Variants in TNK2 observed in about 807,000 individuals in gnomAD.
TNK2 encodes the protein tyrosine kinase non receptor 2, also known as activated CDC42 kinase 1.
Under a neutral mutation model 101.8 loss-of-function variants are expected in TNK2, and 83 were observed. The observed-to-expected ratio is 0.82, with a 90% confidence interval of 0.68 to 0.98. The LOEUF (loss-of-function observed/expected upper bound fraction) is 0.98. Ranked by LOEUF, TNK2 falls within the 50% of genes least tolerant of loss-of-function variation. The pLI is 0.00. For synonymous variants in TNK2, 804 were observed against 633.0 expected (o/e 1.27, Z -4.06); for missense variants, 1,665 against 1,483.2 (o/e 1.12, Z -2.01).
intron 2 of TNK2, among the ~76,000 whole-genome samples, chr3:195,887,869 C>T (rs1392027254): frequency 6.9e-6 from 1 of 144,202 alleles, no homozygotes; most frequent in Non-Finnish European, 1.5e-5. Flanking sequence ...TGTGCGCAGG[C>T]GTGTGAGCGC....
intron 9 of TNK2, chr3:195,876,677 G>T (rs1456409998): frequency 1.1e-5 from 5 of 454,582 alleles, no homozygotes; most frequent in South Asian, 7.8e-5. Context: ...TGGCCCAGGG[G>T]GAAGGAGCCC....
intron 14 of TNK2, 62 bp downstream of exon 14, chr3:195,867,107 G>A: frequency 6.2e-7 from 1 of 1,607,264 alleles, no homozygotes; most frequent in Non-Finnish European, 8.5e-7. Flanking sequence ...GCGTGGGGCT[G>A]GGGGCAGCAG....
At chr3:195,868,786 G>C (rs34049168) in intron 12 of TNK2, 77 bp from the exon 13 acceptor site, 3 of 1,446,416 alleles carry the variant, frequency 2.1e-6, no homozygotes, top group Non-Finnish European at 2.7e-6. Flanking sequence ...GCACGTGGGA[G>C]AGAAAGCCAA....
In TNK2 at chr3:195,884,845, G is replaced by T. The variant is rs1241840224; in HGVS notation, c.423C>A (p.Arg141=). The T allele has an allele frequency of 1.9e-6, 3 of 1,612,828 alleles. No homozygotes were observed. The Admixed American group carries it at 5.0e-5, about 27-fold the overall frequency. Residue 141 remains arginine (R), a synonymous_variant, in exon 4 of 16, where the codon CGC becomes CGA. Transcript: ENST00000672887. The stretch of plus-strand genomic sequence containing the variant: ...CTGAGGGCGCGTCCCACTCGCCCCT[G>T]CGCACCACGCCAAAGGAACCATCAC... ...KLGDGSFGVV[R]RGEWDAPSGK...
At position 195,867,708 on chromosome 3, in the gene TNK2, G is replaced by C. The variant is rs550521078; in HGVS notation, c.2590C>G (p.Arg864Gly). The C allele has an allele frequency of 3.7e-6, 6 of 1,607,946 alleles. No homozygotes were observed. The highest frequency in any genetic ancestry group is 2.7e-5 in the African/African-American group (2 of 74,788). Residue 864 changes from arginine (R) to glycine (G), a missense_variant, in exon 13 of 16, where the codon CGG becomes GGG. Around this residue, in one of 3 missense-constraint regions of TNK2, gnomAD observed 1,136 missense variants for 894.9 expected, o/e 1.27. Coordinates refer to ENST00000672887, the MANE Select transcript of TNK2 (RefSeq NM_001382273.1). ...RAGPCILPIV[R>G]DGKKVSSTHY... ...GTGCTGCTGACCTTCTTGCCATCCCGGACGATGGGCAGGATGCAGGGACCA... is the reference window on the plus strand; with the variant it reads ...GTGCTGCTGACCTTCTTGCCATCCCCGACGATGGGCAGGATGCAGGGACCA...
At chr3:195,869,449 A>G in intron 12 of TNK2, 48 bp downstream of exon 12, 1 of 1,499,982 alleles carries the variant, frequency 6.7e-7, no homozygotes, top group Non-Finnish European at 9.0e-7. Flanking sequence ...GGAGTGAGAG[A>G]GAGGGGGCGG....
intron 9 of TNK2, among the ~76,000 whole-genome samples, chr3:195,874,409 G>A (rs1235383636): frequency 2.6e-5 from 4 of 152,234 alleles, no homozygotes; most frequent in African/African-American, 7.2e-5. Flanking sequence ...CATGGCTGCT[G>A]GGAGTCCTGA....
chr3:195,887,835 C>T (rs1229023992), intron 2 of TNK2, among the ~76,000 whole-genome samples: 2 of 145,832 alleles, frequency 1.4e-5, no homozygotes, highest in African/African-American at 2.5e-5. Flanking sequence ...TGCGCACACA[C>T]GTGTGTGTGT....
At chr3:195,880,195 G>A (rs953541369) in intron 6 of TNK2, among the ~76,000 whole-genome samples, 3 of 152,054 alleles carry the variant, frequency 2.0e-5, no homozygotes, top group Admixed American at 6.5e-5. Flanking sequence ...CAGGGGCCAG[G>A]GCAGGGCCAA....
At position 195,867,881 on chromosome 3, in the gene TNK2, GTCC is replaced by G; in HGVS notation, c.2414_2416del (p.Arg805del). 1 of 1,529,576 alleles carries G rather than the reference GTCC, an allele frequency of 6.5e-7. No individual in the cohort carries two copies. The highest frequency in any genetic ancestry group is 8.7e-7 in the Non-Finnish European group (1 of 1,145,614). The allele number at this position is 1,529,576 out of a possible 1,614,324, so 94.8% of individuals were successfully genotyped here. A position where few individuals can be genotyped will look rare whatever the true frequency, so the allele number is the denominator to read the frequency against. On this transcript the variant is annotated inframe_deletion, in exon 13 of 16. Coordinates refer to ENST00000672887, the MANE Select transcript of TNK2 (RefSeq NM_001382273.1). ...GCCAGGTGGTACCAGGGGGCTGGGT[GTCC>G]TCGAGCCTTGAGGGGACAGGGGCTC...
At chr3:195,871,630 G>A (rs1010131528) in intron 10 of TNK2, among the ~76,000 whole-genome samples, 10 of 152,122 alleles carry the variant, frequency 6.6e-5, no homozygotes, top group Admixed American at 3.3e-4. Context: ...CCTAAGGCCC[G>A]AGTACCAAGA....
Position 195,882,363 on chromosome 3 carries a change from G to T in TNK2, c.610-35C>A. ...CGGAGGAGGCAGGAGGAATGAGCTG[G>T]AGGACCCTGCCCCTTCTCAGCAGCC... On this transcript the variant is annotated intron_variant, in intron 5 of 15. Transcript: ENST00000672887. The surrounding 1 kb of genome is among the most constrained non-coding windows in gnomAD (Gnocchi z 4.2). The T allele has an allele frequency of 6.2e-7, 1 of 1,606,248 alleles. No individual in the cohort carries two copies. Among genetic ancestry groups the T allele is most frequent in the Non-Finnish European group, 8.5e-7 (1 of 1,174,522 alleles).
In TNK2 at chr3:195,866,892, T is replaced by A. The variant is rs140707536; in HGVS notation, c.3158A>T (p.His1053Leu). Residue 1053 changes from histidine (H) to leucine (L), a missense_variant, in exon 15 of 16, where the codon CAC becomes CTC. By Grantham distance (99) the His-to-Leu change is moderately conservative. This residue lies in a region of TNK2 where 1,136 missense variants were observed against 894.9 expected (regional missense o/e 1.27). Coordinates refer to ENST00000672887, the MANE Select transcript of TNK2 (RefSeq NM_001382273.1). Reference sequence around the variant, plus strand: ...GCAGACTGTGGGGCTCACTCACTTGTGGTGGGCAGGGCCCCAGGAGCCCAG... The same window carrying A: ...GCAGACTGTGGGGCTCACTCACTTGAGGTGGGCAGGGCCCCAGGAGCCCAG... Reference protein sequence around the residue: ...HLLGSWGPAHHKR With the variant: ...HLLGSWGPAHLKR 2.7e-5 allele frequency: 43 copies of A among 1,610,280 alleles called. No homozygotes were observed. Among genetic ancestry groups the A allele is most frequent in the Admixed American group, 8.4e-5 (5 of 59,620 alleles).
At chr3:195,873,408 A>C (rs2149352974) in intron 9 of TNK2, among the ~76,000 whole-genome samples, 2 of 151,844 alleles carry the variant, frequency 1.3e-5, no homozygotes, top group Middle Eastern at 6.8e-3. Flanking sequence ...TGCCGTGAGC[A>C]GAGTCTGGGC....
Position 195,884,760 on chromosome 3 carries a change from C to T in TNK2, c.456+52G>A, listed in dbSNP as rs556775447. On this transcript the variant is annotated intron_variant, in intron 4 of 15. Coordinates refer to ENST00000672887, the MANE Select transcript of TNK2 (RefSeq NM_001382273.1). ...CTGGTTGGGGGCAGAAGAGCCACTA[C>T]CAGCCCCGGGTCCCATGCCTCTGCT... is the stretch of plus-strand genomic sequence containing the variant. 390 of 1,522,096 alleles carry T rather than the reference C, an allele frequency of 2.6e-4. 2 individuals carry two copies. The African/African-American group carries it at 4.4e-3, about 17-fold the overall frequency. 94.3% of individuals were successfully genotyped at this position (1,522,096 alleles called of 1,614,324 possible).
At chr3:195,864,681 C>T (rs1453004637) in intron 15 of TNK2, among the ~76,000 whole-genome samples, 4 of 113,330 alleles carry the variant, frequency 3.5e-5, no homozygotes, top group African/African-American at 7.2e-5. Context: ...CAGGTGACAG[C>T]GAGTGCCTGC....
rs550978754 is a variant in TNK2 at position 195,882,322 on chromosome 3, C to G, written c.616G>C (p.Glu206Gln). ...VLTPPMKMVT[E>Q]LAPLGSLLDR... ...AACAACGATCCCAGAGGTGCCAGCT[C>G]TGTCACCTGAGGCCACGGAGGAGGC... The change falls in exon 6 of 16, where the codon GAG (glutamate) becomes CAG (glutamine). Residue 206 changes from glutamate (E) to glutamine (Q), a missense_variant. Transcript: ENST00000672887. This position sits in a 1 kb window ranked among gnomAD's most constrained non-coding sequence, Gnocchi z 4.2. 1.2e-6 allele frequency: 2 copies of G among 1,610,790 alleles called. No homozygotes were observed. Among genetic ancestry groups the G allele is most frequent in the East Asian group, 4.5e-5 (2 of 44,786 alleles).
chr3:195,888,296 C>T lies in TNK2; in HGVS notation c.163+130G>A, dbSNP rs1251870924. 6.2e-6 allele frequency: 6 copies of T among 960,006 alleles called. No homozygotes were observed. The Admixed American group carries it at 7.4e-5, about 12-fold the overall frequency. The allele number at this position is 960,006 out of a possible 1,614,324, so 59.5% of individuals were successfully genotyped here. On this transcript the variant is annotated intron_variant, in intron 2 of 15. Coordinates refer to ENST00000672887, the MANE Select transcript of TNK2 (RefSeq NM_001382273.1). This position sits in a 1 kb window ranked among gnomAD's most constrained non-coding sequence, Gnocchi z 5.3. ...TGTTCTCATCACACATCAGCACCTA[C>T]TGATGTCCCTCCTGCTCCCTCAGGG...
chr3:195,872,472 T>A lies in TNK2; in HGVS notation c.1257-2A>T, dbSNP rs373684659. The A allele has an allele frequency of 6.3e-6, 10 of 1,577,854 alleles. No homozygotes were observed. Among genetic ancestry groups the A allele is most frequent in the Non-Finnish European group, 8.6e-6 (10 of 1,159,328 alleles). ...CCACGCCACCAGTAGTTCTCGGCCC[T>A]GCGCGACAGAGATGGCACGGTGAAC... is the stretch of plus-strand genomic sequence containing the variant. On this transcript the variant is annotated splice_acceptor_variant, in intron 9 of 15. Coordinates refer to ENST00000672887, the MANE Select transcript of TNK2 (RefSeq NM_001382273.1). LOFTEE classifies it high-confidence loss of function.
Sources: gnomAD v4.1 joint callset for allele counts (sites outside exome capture counted in the v4.1 genomes callset) on GRCh38, gnomAD v4.1.1 for gene constraint, gnomAD v4.1.1 regional missense constraint, Gnocchi (gnomAD v3.1) non-coding constraint, MANE v1.5 for transcripts, NCBI Gene and HGNC (gene_info 2026-07-23, HGNC 2026-07-21) for gene names.